TSHZ3: variants seen among roughly 807,000 people sequenced by gnomAD.
TSHZ3 encodes teashirt homolog 3.
A neutral mutation model predicts 64.5 loss-of-function variants in TSHZ3; 10 were observed. The observed-to-expected ratio is 0.16, with a 90% CI of 0.10 to 0.26. The LOEUF is 0.26. Among genes scored for constraint, TSHZ3 ranks in the 10% least tolerant of loss-of-function variants. TSHZ3 has a pLI of 1.00. For synonymous variants in TSHZ3, 608 were observed against 593.1 expected, an observed-to-expected ratio of 1.03 and a Z score of -0.36; for missense variants, 1,242 against 1,421.7, an observed-to-expected ratio of 0.87 and a Z score of 2.03.
intron 4 of TSHZ3, among the ~76,000 whole-genome samples, chr19:31,206,084 GAT>G (rs1975164944): frequency 1.7e-4 from 3 of 17,460 alleles, no homozygotes; most frequent in East Asian, 2.2e-3. Context: ...GAAATGGATG[GAT>G]GGATGGATGG....
chr19:31,185,474 C>CAG (rs1974791528), intron 5 of TSHZ3, among the ~76,000 whole-genome samples: 1 of 152,118 alleles, frequency 6.6e-6, no homozygotes, highest in Non-Finnish European at 1.5e-5. Context: ...CTATGGTGAA[C>CAG]AGAGGAAAGA....
downstream of TSHZ3, among the ~76,000 whole-genome samples, chr19:31,270,932 A>G (rs1399536132): frequency 1.3e-5 from 2 of 152,220 alleles, no homozygotes; most frequent in Non-Finnish European, 2.9e-5. Flanking sequence ...GTTGCAGAAA[A>G]GCAGTGTCTC....
At position 31,349,161 on chromosome 19, in the gene TSHZ3, A is replaced by G; in HGVS notation, c.40+19T>C. On this transcript the variant is annotated intron_variant, in intron 1 of 1. Coordinates refer to ENST00000240587, the MANE Select transcript of TSHZ3 (RefSeq NM_020856.4). ...GGAAGAGGAGGAGGAGAGCAGAAGG[A>G]AGGGGAAGCGGCTCGTACCTGCTGC... 6.5e-7 allele frequency: 1 copy of G among 1,540,106 alleles called. No homozygotes were observed. Among genetic ancestry groups the G allele is most frequent in the Non-Finnish European group, 8.7e-7 (1 of 1,143,408 alleles).
intron 1 of TSHZ3, among the ~76,000 whole-genome samples, chr19:31,283,948 AACCT>A (rs1295623983): frequency 2.0e-5 from 3 of 152,140 alleles, no homozygotes; most frequent in Non-Finnish European, 2.9e-5. Context: ...GGCTGTCGAG[AACCT>A]GGTCCCCACC....
rs1011417434 is a variant in TSHZ3 at position 31,276,331 on chromosome 19, C to T, written c.*216G>A. The T allele has an allele frequency of 2.4e-6, 1 of 424,656 alleles. No homozygotes were observed. The highest frequency in any genetic ancestry group is 2.0e-5 in the African/African-American group (1 of 49,334). The allele number at this position is 424,656 out of a possible 1,614,324, so 26.3% of individuals were successfully genotyped here. A position where few individuals can be genotyped will look rare whatever the true frequency, so the allele number is the denominator to read the frequency against. On this transcript the variant is annotated 3_prime_UTR_variant, in exon 2 of 2. Coordinates refer to ENST00000240587, the MANE Select transcript of TSHZ3 (RefSeq NM_020856.4). ...GTTTACACAAAGTTCCAAACACTTA[C>T]CACTGCATTTTAACCTTCATATTTT...
At chr19:31,316,113 T>C (rs1399567631) in intron 1 of TSHZ3, among the ~76,000 whole-genome samples, 1 of 152,204 alleles carries the variant, frequency 6.6e-6, no homozygotes, top group Non-Finnish European at 1.5e-5. Context: ...AGAAGAAGTC[T>C]GACGCCCCTA....
At chr19:31,237,805 A>G (rs1975639150) in intron 3 of TSHZ3, among the ~76,000 whole-genome samples, 1 of 152,186 alleles carries the variant, frequency 6.6e-6, no homozygotes, top group Admixed American at 6.5e-5. Flanking sequence ...TTAAATTTTC[A>G]TCTTCATTTG....
chr19:31,227,699 A>G (rs1428280894), intron 4 of TSHZ3, among the ~76,000 whole-genome samples: 4 of 152,154 alleles, frequency 2.6e-5, no homozygotes, highest in African/African-American at 9.7e-5. Flanking sequence ...CACTCAGTAA[A>G]GTTGGAGGTA....
downstream of TSHZ3, among the ~76,000 whole-genome samples, chr19:31,272,597 C>CTGATATTTT (rs1976158267): frequency 6.6e-6 from 1 of 152,178 alleles, no homozygotes; most frequent in South Asian, 2.1e-4. Context: ...AGATACATCA[C>CTGATATTTT]TGATATTTTT....
intron 1 of TSHZ3, among the ~76,000 whole-genome samples, chr19:31,336,327 C>G (rs548124905): frequency 3.3e-5 from 5 of 152,278 alleles, no homozygotes; most frequent in African/African-American, 1.2e-4. Context: ...GGTCTTTAAA[C>G]CATGACTGGG....
chr19:31,269,315 T>C (rs1976100809), intron 1 of TSHZ3, among the ~76,000 whole-genome samples: 1 of 152,198 alleles, frequency 6.6e-6, no homozygotes, highest in Admixed American at 6.5e-5. Flanking sequence ...GATGAGGCTT[T>C]CAGGAGCCGG....
chr19:31,308,438 G>C, intron 1 of TSHZ3: 1 of 388,714 alleles, frequency 2.6e-6, no homozygotes, highest in Non-Finnish European at 4.5e-6. Flanking sequence ...AATAGAGACA[G>C]CTCCGGTGTC....
chr19:31,223,364 ACGTG>A (rs1975416184), intron 4 of TSHZ3, among the ~76,000 whole-genome samples: 1 of 118,404 alleles, frequency 8.4e-6, no homozygotes, highest in South Asian at 3.2e-4. Context: ...AGTTCTTATA[ACGTG>A]TGTGTGTGTG....
intron 1 of TSHZ3, among the ~76,000 whole-genome samples, chr19:31,251,212 A>G (rs2084836903): frequency 6.6e-6 from 1 of 152,030 alleles, no homozygotes; most frequent in African/African-American, 2.4e-5. Context: ...CCCTTCTGTG[A>G]TCCTTGTCCC....
At chr19:31,209,193 G>T (rs945226998) in intron 4 of TSHZ3, among the ~76,000 whole-genome samples, 1 of 152,136 alleles carries the variant, frequency 6.6e-6, no homozygotes, top group Non-Finnish European at 1.5e-5. Context: ...CCAGCCAGGT[G>T]CAGGGGAAAA....
At chr19:31,309,125 T>C (rs1916382596) in intron 1 of TSHZ3, among the ~76,000 whole-genome samples, 1 of 152,236 alleles carries the variant, frequency 6.6e-6, no homozygotes, top group African/African-American at 2.4e-5. Flanking sequence ...ACCGTGGTGT[T>C]GCCCGCCACC....
chr19:31,199,443 G>T lies in TSHZ3; in HGVS notation n.809+5513C>A, dbSNP rs143527650. On this transcript the variant is annotated intron_variant and non_coding_transcript_variant, in intron 5 of 6. Transcript: ENST00000651361. ...AAAAAGAAAAGAAAAAACATAGTCC[G>T]ATGGTCTTTGATAAAGTACCAAAGA... Among the ~76,000 whole-genome samples the T allele has an allele frequency of 3.2e-3, 471 of 147,716 alleles. 4 individuals are homozygous for T. Among genetic ancestry groups the T allele is most frequent in the African/African-American group, 0.011 (429 of 40,384 alleles).
intron 1 of TSHZ3, among the ~76,000 whole-genome samples, chr19:31,280,921 C>T (rs1165294664): frequency 6.6e-6 from 1 of 152,192 alleles, no homozygotes; most frequent in South Asian, 2.1e-4. Context: ...CTAAACTGAT[C>T]TGCCACTGCA....
At chr19:31,287,706 T>G (rs1414967615) in intron 1 of TSHZ3, among the ~76,000 whole-genome samples, 1 of 151,884 alleles carries the variant, frequency 6.6e-6, no homozygotes, top group Non-Finnish European at 1.5e-5. Context: ...TAATGGAGAT[T>G]TGAGAAGAGA....
Sources: gnomAD v4.1 joint callset for allele counts (sites outside exome capture counted in the v4.1 genomes callset) on GRCh38, gnomAD v4.1.1 for gene constraint, MANE v1.5 for transcripts, NCBI Gene and HGNC (gene_info 2026-07-23, HGNC 2026-07-21) for gene names.